Variants in HECW1 observed in about 807,000 individuals in gnomAD.
HECW1 encodes the protein HECT, C2 and WW domain containing E3 ubiquitin protein ligase 1.
Under a neutral mutation model 182.3 loss-of-function variants are expected in HECW1, and 61 were observed. That is an observed-to-expected ratio of 0.33 (90% CI 0.27 to 0.41). HECW1 has a LOEUF of 0.41. Ranked by LOEUF, HECW1 falls within the 10% of genes least tolerant of loss-of-function variation. HECW1 has a pLI of 1.00. For missense variants in HECW1, 1,739 were observed against 2,108.9 expected (o/e 0.82, Z 3.44); for synonymous variants, 859 against 832.6 (o/e 1.03, Z -0.55).
chr7:43,341,373 T>C lies in HECW1; in HGVS notation c.461-19513T>C, dbSNP rs185496991. Reference sequence around the variant, plus strand: ...ATAGTTACAGTGTCATTTTACATATTGGTTCGTTTTGGTCACTTTTGCTAT... The same window carrying C: ...ATAGTTACAGTGTCATTTTACATATCGGTTCGTTTTGGTCACTTTTGCTAT... On this transcript the variant is annotated intron_variant, in intron 5 of 29. Coordinates refer to ENST00000395891, the MANE Select transcript of HECW1 (RefSeq NM_015052.5). Among the ~76,000 whole-genome samples the C allele has an allele frequency of 5.3e-5, 8 of 151,806 alleles. No homozygotes were observed. The East Asian group carries it at 1.5e-3, about 29-fold the overall frequency.
chr7:43,376,036 A>G, intron 6 of HECW1, among the ~76,000 whole-genome samples: 1 of 143,838 alleles, frequency 7.0e-6, no homozygotes, highest in South Asian at 2.1e-4. Flanking sequence ...ATGTATATAT[A>G]TACACACATA....
At chr7:43,258,210 C>G (rs1465284058) in intron 3 of HECW1, among the ~76,000 whole-genome samples, 1 of 151,860 alleles carries the variant, frequency 6.6e-6, no homozygotes, top group Non-Finnish European at 1.5e-5. Context: ...GGTGTGGTGG[C>G]ACATGGCCTG....
intron 2 of HECW1, among the ~76,000 whole-genome samples, chr7:43,167,862 A>G (rs1791281108): frequency 6.6e-6 from 1 of 152,178 alleles, no homozygotes; most frequent in African/African-American, 2.4e-5. Flanking sequence ...TTTAAAGAGG[A>G]AACAAATTGA....
chr7:43,252,731 A>C (rs1342523884), intron 3 of HECW1, among the ~76,000 whole-genome samples: 1 of 152,242 alleles, frequency 6.6e-6, no homozygotes, highest in Non-Finnish European at 1.5e-5. Flanking sequence ...TATAACTAGC[A>C]GTTGGCCAGA....
intron 3 of HECW1, among the ~76,000 whole-genome samples, chr7:43,293,159 G>A (rs1805612415): frequency 6.9e-6 from 1 of 144,110 alleles, no homozygotes; most frequent in South Asian, 2.2e-4. Context: ...GGCGGAGGTT[G>A]CAGTAAGCCG....
chr7:43,499,173 T>C (rs1234488244), intron 19 of HECW1, among the ~76,000 whole-genome samples: 1 of 151,912 alleles, frequency 6.6e-6, no homozygotes, highest in Middle Eastern at 3.2e-3. Context: ...CCCAGCTACA[T>C]GGGGGGACTG....
chr7:43,192,740 A>T (rs1794047007), intron 2 of HECW1, among the ~76,000 whole-genome samples: 1 of 152,208 alleles, frequency 6.6e-6, no homozygotes, highest in African/African-American at 2.4e-5. Context: ...ATTTTAATAG[A>T]TATCTTTCCC....
rs1472651764 is a variant in HECW1, at chr7:43,298,264, A to T, written c.28-13499A>T. ...AATTAGGTATGGAAAACTCCATAGA[A>T]TATTTGGAGTTATTAAATTTTCACG... On this transcript the variant is annotated intron_variant, in intron 3 of 29. Transcript: ENST00000395891. Among the ~76,000 whole-genome samples the T allele has an allele frequency of 1.3e-5, 2 of 152,320 alleles. 1 individual carries two copies. Among genetic ancestry groups the T allele is most frequent in the South Asian group, 4.1e-4 (2 of 4,822 alleles).
chr7:43,124,091 C>T (rs1242714177), intron 2 of HECW1, among the ~76,000 whole-genome samples: 1 of 152,192 alleles, frequency 6.6e-6, no homozygotes, highest in African/African-American at 2.4e-5. Flanking sequence ...ATTCTGTGCT[C>T]CTGACTCCGT....
intron 3 of HECW1, among the ~76,000 whole-genome samples, chr7:43,252,760 G>A (rs2240270): frequency 0.47 from 71,958 of 152,132 alleles, 18,962 homozygotes; most frequent in African/African-American, 0.71. Context: ...GATCCTTGGG[G>A]GCTAAGTCAT....
At chr7:43,464,520 A>G (rs896267585) in intron 14 of HECW1, among the ~76,000 whole-genome samples, 2 of 152,056 alleles carry the variant, frequency 1.3e-5, no homozygotes, top group African/African-American at 4.8e-5. Context: ...CTGTAATGAG[A>G]TAAGATTATC....
intron 5 of HECW1, among the ~76,000 whole-genome samples, chr7:43,333,343 T>C (rs1811727545): frequency 6.6e-6 from 1 of 152,160 alleles, no homozygotes; most frequent in Non-Finnish European, 1.5e-5. Context: ...GTAGAGAAAG[T>C]CACATTAAAA....
At chr7:43,131,264 CA>C (rs991724659) in intron 2 of HECW1, among the ~76,000 whole-genome samples, 18 of 151,792 alleles carry the variant, frequency 1.2e-4, no homozygotes, top group South Asian at 2.1e-4. Flanking sequence ...GACTCTATCT[CA>C]AAAAAAAATT....
At chr7:43,435,480 G>A (rs17207421) in intron 8 of HECW1, among the ~76,000 whole-genome samples, 27,347 of 152,150 alleles carry the variant, frequency 0.18, 3,063 homozygotes, top group Non-Finnish European at 0.26. Flanking sequence ...GCAATCAGAC[G>A]TACCACATGG....
At chr7:43,461,843 T>G (rs2077594887) in intron 13 of HECW1, among the ~76,000 whole-genome samples, 1 of 152,124 alleles carries the variant, frequency 6.6e-6, no homozygotes, top group South Asian at 2.1e-4. Flanking sequence ...GGTGTCAGAG[T>G]GAGTGGGAGT....
intron 5 of HECW1, among the ~76,000 whole-genome samples, chr7:43,353,783 C>T (rs955345147): frequency 3.3e-5 from 5 of 152,144 alleles, no homozygotes; most frequent in Non-Finnish European, 7.3e-5. Context: ...CCTCAACCCA[C>T]GAGAAGCATT....
At chr7:43,520,499 T>C (rs1326145444) in intron 24 of HECW1, among the ~76,000 whole-genome samples, 1 of 152,164 alleles carries the variant, frequency 6.6e-6, no homozygotes, top group African/African-American at 2.4e-5. Context: ...TCTTCTCTCA[T>C]TTACATGGGC....
At chr7:43,467,131 T>C (rs570173597) in intron 15 of HECW1, among the ~76,000 whole-genome samples, 32 of 152,296 alleles carry the variant, frequency 2.1e-4, no homozygotes, top group Non-Finnish European at 4.1e-4. Context: ...TGGTTCAGGC[T>C]CAGATCTAGG....
In HECW1 at chr7:43,126,757, A is replaced by G. The variant is rs186157927; in HGVS notation, c.-32+12366A>G. 3.5e-4 allele frequency among the ~76,000 whole-genome samples: 53 copies of G among 152,304 alleles called. 1 individual carries two copies. The East Asian group carries it at 8.3e-3, about 24-fold the overall frequency. Reference sequence around the variant, plus strand: ...CTTGTGTCACATTTTGGTAATTCTTATAATATTTTAAGCTTCTTTATTATG... The same window carrying G: ...CTTGTGTCACATTTTGGTAATTCTTGTAATATTTTAAGCTTCTTTATTATG... On this transcript the variant is annotated intron_variant, in intron 2 of 29. Coordinates refer to ENST00000395891, the MANE Select transcript of HECW1 (RefSeq NM_015052.5).
Sources: allele counts gnomAD v4.1 joint callset (sites outside exome capture counted in the v4.1 genomes callset), GRCh38; gene constraint gnomAD v4.1.1; transcripts MANE v1.5; gene names NCBI Gene and HGNC (gene_info 2026-07-23, HGNC 2026-07-21).